The following PTPN11 variants were observed in gnomAD, a reference collection of about 807,000 sequenced individuals.
PTPN11 encodes tyrosine-protein phosphatase non-receptor type 11.
A neutral mutation model predicts 78.8 loss-of-function variants in PTPN11; 6 were observed. The ratio of observed to expected loss-of-function variants is 0.08; its 90% CI spans 0.04 to 0.15. The LOEUF is 0.15. Ranked by LOEUF, PTPN11 falls within the 10% of genes least tolerant of loss-of-function variation. The pLI, the probability that PTPN11 is intolerant of heterozygous loss-of-function variation, is 1.00. For missense variants in PTPN11, 386 were observed against 744.8 expected (o/e 0.52, Z 5.61); for synonymous variants, 221 against 263.5 (o/e 0.84, Z 1.56).
intron 1 of PTPN11, among the ~76,000 whole-genome samples, chr12:112,438,990 ATCGTTG>A (rs2037839641): frequency 6.6e-6 from 1 of 152,178 alleles, no homozygotes; most frequent in Non-Finnish European, 1.5e-5. Context: ...TTAGGCAATC[ATCGTTG>A]TCCTTGGCTA....
At position 112,430,317 on chromosome 12, in the gene PTPN11, CTTA is replaced by C. The variant is rs750138208; in HGVS notation, c.14+11197_14+11199del. 3.3e-5 allele frequency among the ~76,000 whole-genome samples: 5 copies of C among 152,230 alleles called. No homozygotes were observed. The East Asian group carries it at 7.7e-4, about 23-fold the overall frequency. On this transcript the variant is annotated intron_variant, in intron 1 of 15. Coordinates refer to ENST00000351677, the MANE Select transcript of PTPN11 (RefSeq NM_002834.5). ...GCGCCTGGCCATATATTGCTTTTTT[CTTA>C]TTATCAGAGCCAGTTCATAATTGTG...
At position 112,477,857 on chromosome 12, in the gene PTPN11, C is replaced by A. The variant is rs1340471856; in HGVS notation, c.934C>A (p.Pro312Thr). 6.2e-7 allele frequency: 1 copy of A among 1,614,076 alleles called. No individual in the cohort carries two copies. The highest frequency in any genetic ancestry group is 2.2e-5 in the East Asian group (1 of 44,880). ...SDYINANIIM[P>T]EFETKCNNSK... ...AAGGATTTTCTTCCTAAATTTCTAG[C>A]CTGAATTTGAAACCAAGTGCAACAA... The change falls in exon 9 of 16, where the codon CCT (proline) becomes ACT (threonine). Residue 312 changes from proline to threonine, a missense_variant and splice_region_variant. By Grantham distance (38) the Pro-to-Thr change is conservative. Coordinates refer to ENST00000351677, the MANE Select transcript of PTPN11 (RefSeq NM_002834.5).
At chr12:112,484,372 G>A (rs969473755) in intron 10 of PTPN11, among the ~76,000 whole-genome samples, 6 of 152,210 alleles carry the variant, frequency 3.9e-5, no homozygotes, top group Admixed American at 3.3e-4. Context: ...AAAGTACGTG[G>A]TTTGTCCAGG....
intron 13 of PTPN11, among the ~76,000 whole-genome samples, chr12:112,496,118 T>C (rs548628639): frequency 6.6e-6 from 1 of 152,328 alleles, no homozygotes; most frequent in South Asian, 2.1e-4. Flanking sequence ...ATTTATTTAT[T>C]CCATTATTTA....
At chr12:112,486,665 G>A (rs772831707) in intron 11 of PTPN11, 36 bp downstream of exon 11, 7 of 1,610,276 alleles carry the variant, frequency 4.3e-6, no homozygotes, top group Non-Finnish European at 4.2e-6. Flanking sequence ...GCCACAGCCT[G>A]TCCCTGTCTC....
rs1439319295 is a variant in PTPN11, at chr12:112,508,163, G to A, written c.*2371G>A. On this transcript the variant is annotated 3_prime_UTR_variant, in exon 16 of 16. Coordinates refer to ENST00000351677, the MANE Select transcript of PTPN11 (RefSeq NM_002834.5). The stretch of plus-strand genomic sequence containing the variant: ...ATCAGTTGCTTTTATACTCAGAATG[G>A]AAATACCTGATCTTGGCTAGTTTTG... 6.6e-6 allele frequency: 1 copy of A among 152,624 alleles called. No individual in the cohort carries two copies. The highest frequency in any genetic ancestry group is 1.9e-4 in the East Asian group (1 of 5,200). 9.5% of individuals were successfully genotyped at this position (152,624 alleles called of 1,614,324 possible).
At chr12:112,425,501 C>T (rs1190820991) in intron 1 of PTPN11, among the ~76,000 whole-genome samples, 1 of 151,992 alleles carries the variant, frequency 6.6e-6, no homozygotes, top group Non-Finnish European at 1.5e-5. Flanking sequence ...TCTGGAGTAG[C>T]AGGTAAGAAA....
rs1163467422 is a variant in PTPN11 at position 112,505,965 on chromosome 12, CTGTAT to C, written c.*175_*179del. 1.3e-5 allele frequency: 2 copies of C among 152,626 alleles called. No homozygotes were observed. The highest frequency in any genetic ancestry group is 2.4e-5 in the African/African-American group (1 of 41,438). 9.5% of individuals were successfully genotyped at this position (152,626 alleles called of 1,614,324 possible). A position where few individuals can be genotyped will look rare whatever the true frequency, so the allele number is the denominator to read the frequency against. ...AAAATTTGAAACCATTTAAAGACCA[CTGTAT>C]TTTAACTCAACAATACCTGCTTCCC... On this transcript the variant is annotated 3_prime_UTR_variant, in exon 16 of 16. Coordinates refer to ENST00000351677, the MANE Select transcript of PTPN11 (RefSeq NM_002834.5).
At chr12:112,492,706 A>G (rs528365001) in intron 13 of PTPN11, among the ~76,000 whole-genome samples, 1 of 151,814 alleles carries the variant, frequency 6.6e-6, no homozygotes, top group Admixed American at 6.6e-5. Context: ...TTTAGTAGAG[A>G]CGGGGTCTCA....
chr12:112,456,950 T>C (rs1429462480), intron 6 of PTPN11, among the ~76,000 whole-genome samples: 1 of 152,122 alleles, frequency 6.6e-6, no homozygotes, highest in Non-Finnish European at 1.5e-5. Flanking sequence ...TTGTTGATTA[T>C]ACTTTAAGTT....
chr12:112,457,367 A>G (rs570962375), intron 6 of PTPN11: 8 of 259,950 alleles, frequency 3.1e-5, no homozygotes, highest in African/African-American at 7.0e-5. Context: ...TTATGGCTGC[A>G]TAGTATTCCA....
Position 112,509,454 on chromosome 12 carries a change from A to G in PTPN11, c.*3662A>G, listed in dbSNP as rs1161517191. The G allele has an allele frequency of 6.5e-6, 1 of 152,672 alleles. No individual in the cohort carries two copies. Among genetic ancestry groups the G allele is most frequent in the Non-Finnish European group, 1.5e-5 (1 of 68,040 alleles). 9.5% of individuals were successfully genotyped at this position (152,672 alleles called of 1,614,324 possible). ...GTGATTCTTTTATTAATAAAAGCTA[A>G]TGGGAAAAGGATCCCTGATTAAGCT... is the stretch of plus-strand genomic sequence containing the variant. On this transcript the variant is annotated 3_prime_UTR_variant, in exon 16 of 16. Coordinates refer to ENST00000351677, the MANE Select transcript of PTPN11 (RefSeq NM_002834.5).
At chr12:112,440,899 A>G (rs1278067834) in intron 1 of PTPN11, among the ~76,000 whole-genome samples, 1 of 151,114 alleles carries the variant, frequency 6.6e-6, no homozygotes. Flanking sequence ...AAGCTCTCAG[A>G]GAGAGTAAAA....
intron 14 of PTPN11, among the ~76,000 whole-genome samples, chr12:112,502,661 C>T (rs749422107): frequency 1.3e-5 from 2 of 152,112 alleles, no homozygotes; most frequent in Non-Finnish European, 2.9e-5. Context: ...GCAGGAGAAT[C>T]GCTTGAACCC....
rs1566162781 is a variant in PTPN11 at position 112,442,870 on chromosome 12, ATATATAT to A, written c.15-3405_15-3399del. ...TATATATATATATATATATATATATATATATATAAATTATATATACACTACACATATA... is the reference window on the plus strand; with the variant it reads ...TATATATATATATATATATATATATAAAATTATATATACACTACACATATA... On this transcript the variant is annotated intron_variant, in intron 1 of 15. Coordinates refer to ENST00000351677, the MANE Select transcript of PTPN11 (RefSeq NM_002834.5). Among the ~76,000 whole-genome samples the A allele has an allele frequency of 1.7e-3, 145 of 85,298 alleles. 2 individuals are homozygous for A. Among genetic ancestry groups the A allele is most frequent in the African/African-American group, 6.9e-3 (134 of 19,384 alleles). The allele number at this position is 85,298 out of a possible 152,430, so 56.0% of individuals were successfully genotyped here. A position where few individuals can be genotyped will look rare whatever the true frequency, so the allele number is the denominator to read the frequency against.
In PTPN11 at chr12:112,477,938, A is replaced by G; in HGVS notation, c.1015A>G (p.Asn339Asp). The change falls in exon 9 of 16, where the codon AAT (asparagine) becomes GAT (aspartate). Residue 339 changes from asparagine (N) to aspartate (D), a missense_variant. By Grantham distance (23) the Asn-to-Asp change is conservative. Coordinates refer to ENST00000351677, the MANE Select transcript of PTPN11 (RefSeq NM_002834.5). ...ATQGCLQNTV[N>D]DFWRMVFQEN... ...ACAAGGCTGCCTGCAAAACACGGTG[A>G]ATGACTTTTGGCGGATGGTGTTCCA... 1 of 1,614,220 alleles carries G rather than the reference A, an allele frequency of 6.2e-7. No individual in the cohort carries two copies. Among genetic ancestry groups the G allele is most frequent in the Non-Finnish European group, 8.5e-7 (1 of 1,180,038 alleles).
Position 112,502,190 on chromosome 12 carries a change from T to A in PTPN11, c.1646T>A (p.Leu549Gln). Residue 549 changes from leucine (L) to glutamine (Q), a missense_variant, in exon 14 of 16, where the codon CTA becomes CAA. Physicochemically the swap from Leu to Gln is moderately radical, Grantham distance 113 (BLOSUM62 -2). Coordinates refer to ENST00000351677, the MANE Select transcript of PTPN11 (RefSeq NM_002834.5). ...GHEYTNIKYS[L>Q]ADQTSGDQSP... ...GAATATACAAATATTAAGTATTCTC[T>A]AGCGGACCAGACGAGTGGAGATCAG... is the stretch of plus-strand genomic sequence containing the variant. The A allele has an allele frequency of 6.2e-7, 1 of 1,613,980 alleles. No individual in the cohort carries two copies. Among genetic ancestry groups the A allele is most frequent in the Non-Finnish European group, 8.5e-7 (1 of 1,179,862 alleles).
rs994628095 is a variant in PTPN11, at chr12:112,493,871, T to A, written c.1599+4696T>A. ...GAGTTTGACTGGTTTAGATTCCACA[T>A]ACAAATGAGATCAGGCAGTGATGGT... On this transcript the variant is annotated intron_variant, in intron 13 of 15. Transcript: ENST00000351677. Among the ~76,000 whole-genome samples, 7 of 152,294 alleles carry A rather than the reference T, an allele frequency of 4.6e-5. No individual in the cohort carries two copies. The East Asian group carries it at 1.4e-3, about 29-fold the overall frequency.
In PTPN11 at chr12:112,442,877, T is replaced by TATAA. The variant is rs1415088606; in HGVS notation, c.15-3398_15-3397insTAAA. ...ATATATATATATATATATATATATA[T>TATAA]AAATTATATATACACTACACATATA... On this transcript the variant is annotated intron_variant, in intron 1 of 15. Transcript: ENST00000351677. 1.5e-3 allele frequency among the ~76,000 whole-genome samples: 102 copies of TATAA among 70,126 alleles called. 2 individuals carry two copies. Among genetic ancestry groups the TATAA allele is most frequent in the African/African-American group, 3.7e-3 (52 of 13,904 alleles). 46.0% of individuals were successfully genotyped at this position (70,126 alleles called of 152,430 possible). A position where few individuals can be genotyped will look rare whatever the true frequency, so the allele number is the denominator to read the frequency against.
Sources: gnomAD v4.1 joint callset for allele counts (sites outside exome capture counted in the v4.1 genomes callset) on GRCh38, gnomAD v4.1.1 for gene constraint, MANE v1.5 for transcripts, NCBI Gene and HGNC (gene_info 2026-07-23, HGNC 2026-07-21) for gene names.